Variants in CMSS1 observed in about 807,000 individuals in gnomAD.
CMSS1 encodes protein CMSS1.
A neutral mutation model predicts 43.5 loss-of-function variants in CMSS1; 33 were observed. That is an observed-to-expected ratio of 0.76 (90% CI 0.57 to 1.01). The LOEUF (loss-of-function observed/expected upper bound fraction) is 1.01. CMSS1 is among the 50% of genes least tolerant of loss of function. The pLI is 0.00. For missense variants in CMSS1, 313 were observed against 326.4 expected, an observed-to-expected ratio of 0.96 and a Z score of 0.32; for synonymous variants, 115 against 117.2, an observed-to-expected ratio of 0.98 and a Z score of 0.12.
At chr3:100,030,015 T>A (rs571925456) in intron 1 of CMSS1, among the ~76,000 whole-genome samples, 32 of 152,150 alleles carry the variant, frequency 2.1e-4, no homozygotes, top group Non-Finnish European at 3.8e-4. Context: ...TGCTTCACAT[T>A]TCTCTAGCAT....
chr3:99,881,926 G>T (rs1200929653), intron 1 of CMSS1, among the ~76,000 whole-genome samples: 1 of 152,170 alleles, frequency 6.6e-6, no homozygotes, highest in African/African-American at 2.4e-5. Context: ...TATTTGCAGA[G>T]AAAGACCTGT....
chr3:100,018,023 T>C (rs1328053827), intron 1 of CMSS1, among the ~76,000 whole-genome samples: 2 of 151,944 alleles, frequency 1.3e-5, no homozygotes, highest in African/African-American at 4.8e-5. Context: ...TTGTGCACAG[T>C]GACCAATATG....
intron 1 of CMSS1, among the ~76,000 whole-genome samples, chr3:100,006,149 A>C (rs927248455): frequency 3.3e-5 from 5 of 152,160 alleles, no homozygotes; most frequent in Non-Finnish European, 7.4e-5. Context: ...GGATGCAGGT[A>C]GGTATACTGG....
intron 1 of CMSS1, among the ~76,000 whole-genome samples, chr3:99,992,093 G>C (rs1435769604): frequency 6.6e-6 from 1 of 151,152 alleles, no homozygotes; most frequent in Non-Finnish European, 1.5e-5. Context: ...GGTTAATTCT[G>C]TATCTTTGCT....
At chr3:100,117,854 C>CATATATATAT (rs58609128) in intron 1 of CMSS1, among the ~76,000 whole-genome samples, 8 of 90,748 alleles carry the variant, frequency 8.8e-5, no homozygotes, top group South Asian at 3.2e-4. Context: ...TATATATATA[C>CATATATATAT]ATATATATAT....
chr3:99,873,901 A>G (rs1269676283), intron 1 of CMSS1, among the ~76,000 whole-genome samples: 1 of 152,212 alleles, frequency 6.6e-6, no homozygotes, highest in Non-Finnish European at 1.5e-5. Flanking sequence ...CTAAGCATAA[A>G]ATTATTATGT....
At chr3:99,818,972 T>TAAA (rs1942379107) in intron 1 of CMSS1, among the ~76,000 whole-genome samples, 1 of 152,242 alleles carries the variant, frequency 6.6e-6, no homozygotes, top group Admixed American at 6.5e-5. Context: ...CTGCCTCTTT[T>TAAA]CTCTACAAGA....
intron 1 of CMSS1, among the ~76,000 whole-genome samples, chr3:99,983,288 C>A (rs1428875219): frequency 6.7e-6 from 1 of 150,294 alleles, no homozygotes; most frequent in African/African-American, 2.5e-5. Context: ...AATCCTAACA[C>A]TTTGGGAGGC....
rs1296896766 is a variant in CMSS1 at position 100,117,855 on chromosome 3, A to G, written c.65-29118A>G. ...TATATATATATATATATATATATAC[A>G]TATATATATATATATATATATATAC... On this transcript the variant is annotated intron_variant, in intron 1 of 9. Transcript: ENST00000421999. Among the ~76,000 whole-genome samples, 88 of 44,302 alleles carry G rather than the reference A, an allele frequency of 2.0e-3. 3 individuals carry two copies. The highest frequency in any genetic ancestry group is 3.9e-3 in the Non-Finnish European group (77 of 19,752). 29.1% of individuals were successfully genotyped at this position (44,302 alleles called of 152,430 possible).
intron 1 of CMSS1, among the ~76,000 whole-genome samples, chr3:99,829,896 T>G (rs932878444): frequency 1.3e-5 from 2 of 152,246 alleles, no homozygotes; most frequent in African/African-American, 4.8e-5. Context: ...ATTATCACTT[T>G]GCTTTTTCCC....
chr3:100,057,436 A>G (rs770113079), intron 1 of CMSS1, among the ~76,000 whole-genome samples: 6 of 152,252 alleles, frequency 3.9e-5, no homozygotes, highest in Non-Finnish European at 7.3e-5. Flanking sequence ...GAATCTGCTT[A>G]TAAATTGGAA....
chr3:100,110,816 G>C (rs1021957411), intron 1 of CMSS1, among the ~76,000 whole-genome samples: 5 of 152,010 alleles, frequency 3.3e-5, no homozygotes, highest in African/African-American at 1.2e-4. Flanking sequence ...ACTTATGCTT[G>C]CACCAGAAGC....
chr3:99,897,346 G>A (rs977194347), intron 1 of CMSS1, among the ~76,000 whole-genome samples: 1 of 151,936 alleles, frequency 6.6e-6, no homozygotes, highest in Non-Finnish European at 1.5e-5. Context: ...TCCAGCCTGG[G>A]GGACAAGAGC....
intron 2 of CMSS1, chr3:100,160,050 C>A: frequency 2.5e-6 from 1 of 400,828 alleles, no homozygotes; most frequent in South Asian, 1.8e-5. Context: ...ACCTTAGTCA[C>A]TCTAGTCAAA....
intron 1 of CMSS1, chr3:100,051,202 TA>T (rs2065366007): frequency 6.6e-6 from 1 of 152,180 alleles, no homozygotes; most frequent in South Asian, 2.1e-4. Flanking sequence ...TCCAGCTTCT[TA>T]TTTTTTCCGA....
intron 1 of CMSS1, among the ~76,000 whole-genome samples, chr3:100,134,261 G>C (rs2066732496): frequency 6.6e-6 from 1 of 152,054 alleles, no homozygotes; most frequent in Non-Finnish European, 1.5e-5. Flanking sequence ...GACACATCCA[G>C]GGTATATAGC....
rs1468166560 is a variant in CMSS1, at chr3:100,000,171, A to G, written c.65-146802A>G. On this transcript the variant is annotated intron_variant, in intron 1 of 9. Coordinates refer to ENST00000421999, the MANE Select transcript of CMSS1 (RefSeq NM_032359.4). Reference sequence around the variant, plus strand: ...TTAGCCTGGAATTTGTTCCACAAAAATTTCTTCCTGCCTTCTTCTGATCCT... The same window carrying G: ...TTAGCCTGGAATTTGTTCCACAAAAGTTTCTTCCTGCCTTCTTCTGATCCT... Among the ~76,000 whole-genome samples the G allele has an allele frequency of 2.0e-5, 3 of 152,152 alleles. No individual in the cohort carries two copies. The East Asian group carries it at 5.8e-4, about 29-fold the overall frequency.
chr3:100,053,339 C>T (rs977492688), intron 1 of CMSS1, among the ~76,000 whole-genome samples: 3 of 152,146 alleles, frequency 2.0e-5, no homozygotes, highest in Non-Finnish European at 2.9e-5. Flanking sequence ...CTTCAAAGGC[C>T]GTAGGGAAGA....
intron 9 of CMSS1, 28 bp from the exon 10 acceptor site, chr3:100,178,277 T>A: frequency 6.8e-7 from 1 of 1,460,588 alleles, no homozygotes; most frequent in Non-Finnish European, 9.6e-7. Flanking sequence ...GATCTTAATC[T>A]TTTTTTCCCC....
Sources: allele counts gnomAD v4.1 joint callset (sites outside exome capture counted in the v4.1 genomes callset), GRCh38; gene constraint gnomAD v4.1.1; transcripts MANE v1.5; gene names NCBI Gene and HGNC (gene_info 2026-07-23, HGNC 2026-07-21).